RAB11FIP4: variants seen among roughly 807,000 people sequenced by gnomAD.
RAB11FIP4 encodes RAB11 family interacting protein 4.
Under a neutral mutation model 74.3 loss-of-function variants are expected in RAB11FIP4, and 23 were observed. The ratio of observed to expected loss-of-function variants is 0.31; its 90% CI spans 0.22 to 0.44. The LOEUF (loss-of-function observed/expected upper bound fraction) is 0.44, where lower values mean the gene tolerates loss of function less well. Ranked by LOEUF, RAB11FIP4 falls within the 20% of genes least tolerant of loss-of-function variation. The probability of loss-of-function intolerance (pLI) is 1.00; values close to 1 mark genes in which losing one functional copy is unlikely to be tolerated. For missense variants in RAB11FIP4, 630 were observed against 863.9 expected (o/e 0.73, Z 3.39); for synonymous variants, 360 against 359.9 (o/e 1.00, Z 0.00).
chr17:31,506,364 A>G (rs762412693), intron 3 of RAB11FIP4, among the ~76,000 whole-genome samples: 10 of 152,242 alleles, frequency 6.6e-5, no homozygotes, highest in Non-Finnish European at 1.5e-4. Context: ...CAAAACCATC[A>G]CTTCAAACAC....
At chr17:31,397,817 G>A (rs1416676287) in intron 1 of RAB11FIP4, among the ~76,000 whole-genome samples, 1 of 152,030 alleles carries the variant, frequency 6.6e-6, no homozygotes, top group Non-Finnish European at 1.5e-5. Context: ...GTGCTGGGAG[G>A]AGGCCAGATG....
intron 3 of RAB11FIP4, among the ~76,000 whole-genome samples, chr17:31,510,632 G>A (rs1390751951): frequency 6.6e-6 from 1 of 152,144 alleles, no homozygotes; most frequent in African/African-American, 2.4e-5. Context: ...TGTGCAGGGC[G>A]ACCTTCCATA....
At position 31,521,964 on chromosome 17, in the gene RAB11FIP4, C is replaced by T. The variant is rs1326232013; in HGVS notation, c.808C>T (p.Leu270=). The T allele has an allele frequency of 6.2e-7, 1 of 1,614,178 alleles. No individual in the cohort carries two copies. Among genetic ancestry groups the T allele is most frequent in the Non-Finnish European group, 8.5e-7 (1 of 1,180,036 alleles). The change falls in exon 6 of 15, where the codon CTA becomes TTA. Residue 270 remains leucine, a synonymous_variant. Transcript: ENST00000621161. ...GCGGCACGTGTACAACAGCGAATTG[C>T]TAGATGTTTACTGCTCTCAATGCTG... ...KMRHVYNSEL[L]DVYCSQCCKK...
Position 31,416,333 on chromosome 17 carries a change from G to A in RAB11FIP4, c.160-15480G>A, listed in dbSNP as rs1416821776. On this transcript the variant is annotated intron_variant, in intron 1 of 14. Transcript: ENST00000621161. ...GACAGCCCTTCACATGGAGGGGAGCGGGCTTAGGGAGTGGGAGCAAGACAG... is the reference window on the plus strand; with the variant it reads ...GACAGCCCTTCACATGGAGGGGAGCAGGCTTAGGGAGTGGGAGCAAGACAG... Among the ~76,000 whole-genome samples, 13 of 152,174 alleles carry A rather than the reference G, an allele frequency of 8.5e-5. 1 individual carries two copies. Among genetic ancestry groups the A allele is most frequent in the Admixed American group, 5.2e-4 (8 of 15,286 alleles).
chr17:31,417,595 A>T (rs889325022), intron 1 of RAB11FIP4, among the ~76,000 whole-genome samples: 7 of 152,236 alleles, frequency 4.6e-5, no homozygotes, highest in Admixed American at 1.3e-4. Context: ...TGCCTGGGGT[A>T]GCAGGAATTG....
At chr17:31,524,905 T>G in intron 9 of RAB11FIP4, 185 bp from the exon 10 acceptor site, 1 of 708,020 alleles carries the variant, frequency 1.4e-6, no homozygotes, top group Non-Finnish European at 2.4e-6. Flanking sequence ...CCATGGCATG[T>G]GTGACCGACA....
At chr17:31,445,643 T>C (rs1214433242) in intron 3 of RAB11FIP4, among the ~76,000 whole-genome samples, 1 of 142,380 alleles carries the variant, frequency 7.0e-6, no homozygotes, top group Non-Finnish European at 1.5e-5. Context: ...TGGAGTGCAA[T>C]GGCGTGATCT....
At chr17:31,411,086 G>A (rs1038111418) in intron 1 of RAB11FIP4, among the ~76,000 whole-genome samples, 25 of 152,184 alleles carry the variant, frequency 1.6e-4, no homozygotes, top group African/African-American at 1.2e-4. Context: ...TTTCCAGGCC[G>A]GGCGCGGTGG....
At chr17:31,488,638 C>A (rs2071948828) in intron 3 of RAB11FIP4, among the ~76,000 whole-genome samples, 3 of 152,178 alleles carry the variant, frequency 2.0e-5, no homozygotes, top group African/African-American at 7.2e-5. Context: ...GGGGGCTGAG[C>A]GCCGCGAAGT....
intron 3 of RAB11FIP4, among the ~76,000 whole-genome samples, chr17:31,495,366 A>ATTTT (rs3058694): frequency 1.2e-5 from 1 of 83,146 alleles, no homozygotes; most frequent in Non-Finnish European, 2.5e-5. Context: ...CACTTGACTG[A>ATTTT]TTTTTTTTTT....
rs757495353 is a variant in RAB11FIP4, at chr17:31,456,846, C to G, written c.336+22724C>G. Among the ~76,000 whole-genome samples, 5 of 152,036 alleles carry G rather than the reference C, an allele frequency of 3.3e-5. 1 individual carries two copies. The highest frequency in any genetic ancestry group is 4.8e-5 in the African/African-American group (2 of 41,388). On this transcript the variant is annotated intron_variant, in intron 3 of 14. Coordinates refer to ENST00000621161, the MANE Select transcript of RAB11FIP4 (RefSeq NM_032932.6). ...AGACTTATTAAAGGATTATTATTGCCTGGGGGTGGTGGGGAGGGGACTATT... is the reference window on the plus strand; with the variant it reads ...AGACTTATTAAAGGATTATTATTGCGTGGGGGTGGTGGGGAGGGGACTATT...
At chr17:31,434,239 T>C (rs890450438) in intron 3 of RAB11FIP4, 117 bp downstream of exon 3, 7 of 799,844 alleles carry the variant, frequency 8.8e-6, no homozygotes, top group South Asian at 6.0e-5. Flanking sequence ...GGACCCTTCT[T>C]GAGCATCAGA....
chr17:31,448,585 C>T (rs2071493037), intron 3 of RAB11FIP4: 1 of 151,878 alleles, frequency 6.6e-6, no homozygotes, highest in Non-Finnish European at 1.5e-5. Flanking sequence ...CAAAACAGGT[C>T]TTCACTGGGA....
chr17:31,459,225 C>T (rs567446518), intron 3 of RAB11FIP4, among the ~76,000 whole-genome samples: 3 of 152,240 alleles, frequency 2.0e-5, no homozygotes, highest in East Asian at 3.9e-4. Context: ...GAGAGATCTA[C>T]GAGTACTCTC....
intron 3 of RAB11FIP4, among the ~76,000 whole-genome samples, chr17:31,436,574 G>T (rs1220258969): frequency 6.6e-6 from 1 of 152,086 alleles, no homozygotes; most frequent in Non-Finnish European, 1.5e-5. Context: ...AGAAGAGTGG[G>T]CCTCCACCAA....
intron 3 of RAB11FIP4, among the ~76,000 whole-genome samples, chr17:31,471,554 C>T (rs962506148): frequency 6.6e-6 from 1 of 152,196 alleles, no homozygotes; most frequent in Non-Finnish European, 1.5e-5. Context: ...ATAACAGGCT[C>T]AGCTGTCAAG....
At chr17:31,490,240 A>G (rs982437005) in intron 3 of RAB11FIP4, among the ~76,000 whole-genome samples, 2 of 151,998 alleles carry the variant, frequency 1.3e-5, no homozygotes, top group South Asian at 4.2e-4. Context: ...GCTGCTTCAG[A>G]CCCAAGGTTT....
intron 1 of RAB11FIP4, among the ~76,000 whole-genome samples, chr17:31,416,097 C>T (rs773082640): frequency 3.3e-5 from 5 of 152,356 alleles, no homozygotes; most frequent in East Asian, 1.9e-4. Context: ...AGAGCCCGCT[C>T]TCTCGGCATG....
intron 1 of RAB11FIP4, among the ~76,000 whole-genome samples, chr17:31,404,201 C>T (rs577613735): frequency 1.3e-5 from 2 of 152,318 alleles, no homozygotes; most frequent in South Asian, 4.1e-4. Flanking sequence ...CCCGCCAGCC[C>T]GTGGACCACA....
Sources: gnomAD v4.1 joint callset for allele counts (sites outside exome capture counted in the v4.1 genomes callset) on GRCh38, gnomAD v4.1.1 for gene constraint, MANE v1.5 for transcripts, NCBI Gene and HGNC (gene_info 2026-07-23, HGNC 2026-07-21) for gene names.